CA7: variants seen among roughly 807,000 people sequenced by gnomAD.
CA7 encodes the protein carbonate dehydratase VII.
Under a neutral mutation model 31.4 loss-of-function variants are expected in CA7, and 13 were observed. That is an observed-to-expected ratio of 0.41 (90% CI 0.27 to 0.66). The LOEUF is 0.66. CA7 is among the 30% of genes least tolerant of loss of function. The pLI is 0.28. For synonymous variants in CA7, 128 were observed against 133.2 expected (o/e 0.96, Z 0.27); for missense variants, 215 against 351.0 (o/e 0.61, Z 3.10).
intron 1 of CA7, chr16:66,845,120 G>T (rs1274422647): frequency 3.0e-6 from 3 of 985,558 alleles, no homozygotes; most frequent in African/African-American, 3.5e-5. Flanking sequence ...GCACGTCCGG[G>T]TGTGAGTCGT....
chr16:66,846,930 C>T, intron 1 of CA7, 100 bp from the exon 2 acceptor site: 2 of 964,762 alleles, frequency 2.1e-6, no homozygotes, highest in Non-Finnish European at 3.2e-6. Flanking sequence ...GGGCTCACCT[C>T]TGAAAGGATG....
Position 66,853,565 on chromosome 16 carries a change from C to G in CA7, c.*67C>G. ...CAAGGGCTTCCATGTCAGCAGACACCAAACCATCTGAGGCTTCCTCCCTGG... is the reference window on the plus strand; with the variant it reads ...CAAGGGCTTCCATGTCAGCAGACACGAAACCATCTGAGGCTTCCTCCCTGG... On this transcript the variant is annotated 3_prime_UTR_variant, in exon 7 of 7. Coordinates refer to ENST00000338437, the MANE Select transcript of CA7 (RefSeq NM_005182.3). The surrounding 1 kb of genome is among the most constrained non-coding windows in gnomAD (Gnocchi z 4.5). 6.3e-7 allele frequency: 1 copy of G among 1,593,940 alleles called. No homozygotes were observed. The highest frequency in any genetic ancestry group is 8.5e-7 in the Non-Finnish European group (1 of 1,170,508).
Position 66,851,519 on chromosome 16 carries a change from A to G in CA7, c.414A>G (p.Ser138=), listed in dbSNP as rs750724409. 8.7e-6 allele frequency: 14 copies of G among 1,614,008 alleles called. No individual in the cohort carries two copies. Among genetic ancestry groups the G allele is most frequent in the African/African-American group, 4.0e-5 (3 of 74,920 alleles). ...KKYSTFGEAA[S]APDGLAVVGV... ...ACAGCACTTTTGGGGAGGCGGCCTC[A>G]GCACCTGATGGCCTGGCTGTGGTTG... The change falls in exon 4 of 7, where the codon TCA becomes TCG. Residue 138 remains serine, a synonymous_variant. Transcript: ENST00000338437.
In CA7 at chr16:66,853,294, G is replaced by C; in HGVS notation, c.673-82G>C. On this transcript the variant is annotated intron_variant, in intron 6 of 6. Coordinates refer to ENST00000338437, the MANE Select transcript of CA7 (RefSeq NM_005182.3). This position sits in a 1 kb window ranked among gnomAD's most constrained non-coding sequence, Gnocchi z 4.5. ...AGGGAGGGGTAGAGCTGGCTGGGCA[G>C]GTATGCCAGATGATGCATCTGGGGT... 2.6e-6 allele frequency: 4 copies of C among 1,561,530 alleles called. No homozygotes were observed. The South Asian group carries it at 4.6e-5, about 18-fold the overall frequency.
chr16:66,850,926 G>T (rs1961032991), intron 3 of CA7, among the ~76,000 whole-genome samples: 1 of 152,080 alleles, frequency 6.6e-6, no homozygotes, highest in African/African-American at 2.4e-5. Flanking sequence ...GCCCTTTAAG[G>T]GTTGAGCCCA....
At chr16:66,846,761 T>C (rs1345157880) in intron 1 of CA7, among the ~76,000 whole-genome samples, 6 of 152,218 alleles carry the variant, frequency 3.9e-5, no homozygotes, top group African/African-American at 1.4e-4. Context: ...CCCGAGCCTG[T>C]AGCTGTTATG....
chr16:66,847,958 C>A (rs1281063543), intron 2 of CA7, among the ~76,000 whole-genome samples: 2 of 152,118 alleles, frequency 1.3e-5, no homozygotes, highest in South Asian at 2.1e-4. Flanking sequence ...TATGACTGGG[C>A]CTTACGACTG....
At chr16:66,845,228 G>A in intron 1 of CA7, 1 of 985,544 alleles carries the variant, frequency 1.0e-6, no homozygotes, top group South Asian at 4.7e-5. Context: ...GGGAGAAGAG[G>A]CAGAAGGTGA....
At chr16:66,845,233 A>G in intron 1 of CA7, 2 of 985,098 alleles carry the variant, frequency 2.0e-6, no homozygotes, top group Non-Finnish European at 2.4e-6. Flanking sequence ...AAGAGGCAGA[A>G]GGTGAGAGCC....
At position 66,854,033 on chromosome 16, in the gene CA7, A is replaced by G. The variant is rs553739646; in HGVS notation, c.*535A>G. The G allele has an allele frequency of 5.0e-4, 79 of 156,492 alleles. No individual in the cohort carries two copies. The highest frequency in any genetic ancestry group is 1.1e-3 in the Admixed American group (18 of 16,276). 9.7% of individuals were successfully genotyped at this position (156,492 alleles called of 1,614,324 possible). A position where few individuals can be genotyped will look rare whatever the true frequency, so the allele number is the denominator to read the frequency against. ...CCTCCAGCCACCTGCTGCCACGGGC[A>G]GGCCCTGGCTATAGCTTATACAGTA... On this transcript the variant is annotated 3_prime_UTR_variant, in exon 7 of 7. Transcript: ENST00000338437.
chr16:66,847,671 G>A (rs760126692), intron 2 of CA7, among the ~76,000 whole-genome samples: 6 of 152,116 alleles, frequency 3.9e-5, no homozygotes, highest in East Asian at 3.8e-4. Flanking sequence ...GTCACAAGCC[G>A]CTCATTTATT....
intron 2 of CA7, 109 bp from the exon 3 acceptor site, chr16:66,850,432 C>T (rs570139459): frequency 4.8e-5 from 35 of 734,738 alleles, no homozygotes; most frequent in Non-Finnish European, 7.9e-5. Context: ...CAGAGCGAGA[C>T]CCTGACTCAA....
intron 4 of CA7, 31 bp downstream of exon 4, chr16:66,851,589 G>T (rs775864644): frequency 2.5e-6 from 4 of 1,612,736 alleles, no homozygotes; most frequent in South Asian, 1.1e-5. Context: ...GCCTGGAGGG[G>T]CATGGGAGGC....
intron 5 of CA7, among the ~76,000 whole-genome samples, chr16:66,852,480 AAAAGAAAG>A (rs750074053): frequency 1.3e-5 from 2 of 151,218 alleles, no homozygotes; most frequent in African/African-American, 2.4e-5. Context: ...AAGAAAAAGA[AAAAGAAAG>A]AAAGAAAGAG....
Position 66,853,598 on chromosome 16 carries a change from T to C in CA7, c.*100T>C. ...CTGAGGCTTCCTCCCTGGGGGGTGC[T>C]GGGGACCCTCCTTCAGCCAGTTTGC... On this transcript the variant is annotated 3_prime_UTR_variant, in exon 7 of 7. Transcript: ENST00000338437. This position sits in a 1 kb window ranked among gnomAD's most constrained non-coding sequence, Gnocchi z 4.5. 1 of 1,499,526 alleles carries C rather than the reference T, an allele frequency of 6.7e-7. No individual in the cohort carries two copies. The highest frequency in any genetic ancestry group is 1.2e-5 in the South Asian group (1 of 82,546). The allele number at this position is 1,499,526 out of a possible 1,614,324, so 92.9% of individuals were successfully genotyped here. A position where few individuals can be genotyped will look rare whatever the true frequency, so the allele number is the denominator to read the frequency against.
At chr16:66,852,914 T>C (rs962041090) in intron 6 of CA7, 47 bp downstream of exon 6, 18 of 1,573,772 alleles carry the variant, frequency 1.1e-5, no homozygotes, top group Non-Finnish European at 1.6e-5. Flanking sequence ...CACTCAGGGC[T>C]CACCCCAGGC....
At chr16:66,852,093 T>C (rs965461967) in intron 5 of CA7, among the ~76,000 whole-genome samples, 5 of 152,140 alleles carry the variant, frequency 3.3e-5, no homozygotes, top group African/African-American at 1.2e-4. Flanking sequence ...GGCTGGAAGA[T>C]GGCATCTGGG....
intron 1 of CA7, 33 bp downstream of exon 1, chr16:66,844,560 C>T (rs1295062164): frequency 1.4e-5 from 22 of 1,528,828 alleles, no homozygotes; most frequent in Non-Finnish European, 1.9e-5. Flanking sequence ...GCCTCTGGCT[C>T]GGACCCCCGA....
rs888158076 is a variant in CA7, at chr16:66,852,705, G to T, written c.517-7G>T. ...GCTGATTCCTGGGTTCCTCCACCTT[G>T]TTCCAGGGCACCAAAGCCCAGTTCA... is the stretch of plus-strand genomic sequence containing the variant. On this transcript the variant is annotated splice_region_variant and splice_polypyrimidine_tract_variant and intron_variant, in intron 5 of 6. Transcript: ENST00000338437. 6.2e-7 allele frequency: 1 copy of T among 1,610,862 alleles called. No homozygotes were observed. The highest frequency in any genetic ancestry group is 1.3e-5 in the African/African-American group (1 of 74,882).
Sources: allele counts gnomAD v4.1 joint callset (sites outside exome capture counted in the v4.1 genomes callset), GRCh38; gene constraint gnomAD v4.1.1; non-coding constraint Gnocchi (gnomAD v3.1); transcripts MANE v1.5; gene names NCBI Gene and HGNC (gene_info 2026-07-23, HGNC 2026-07-21).